PDLIM5: variants seen among roughly 807,000 people sequenced by gnomAD.
The protein encoded by PDLIM5 is PDZ and LIM domain protein 5.
Under a neutral mutation model 64.2 loss-of-function variants are expected in PDLIM5, and 34 were observed. The ratio of observed to expected loss-of-function variants is 0.53; its 90% CI spans 0.40 to 0.71. The LOEUF (loss-of-function observed/expected upper bound fraction) is 0.71. PDLIM5 is among the 30% of genes least tolerant of loss of function. PDLIM5 has a pLI of 0.00. For synonymous variants in PDLIM5, 253 were observed against 269.1 expected (o/e 0.94, Z 0.59); for missense variants, 683 against 733.6 (o/e 0.93, Z 0.80).
chr4:94,482,558 G>C, intron 2 of PDLIM5, among the ~76,000 whole-genome samples: 1 of 152,074 alleles, frequency 6.6e-6, no homozygotes, highest in Non-Finnish European at 1.5e-5. Context: ...ATTAGTTACT[G>C]TAATTATATT....
At chr4:94,511,581 C>T (rs1443179146) in intron 2 of PDLIM5, among the ~76,000 whole-genome samples, 2 of 131,768 alleles carry the variant, frequency 1.5e-5, no homozygotes, top group African/African-American at 5.7e-5. Flanking sequence ...ATTTTTTACT[C>T]ATCAGACATC....
chr4:94,561,669 C>T (rs3805274), intron 3 of PDLIM5, among the ~76,000 whole-genome samples: 41,852 of 152,012 alleles, frequency 0.28, 8,116 homozygotes, highest in African/African-American at 0.56. Flanking sequence ...TTAGGGGATC[C>T]TTGGAGCCAA....
intron 2 of PDLIM5, among the ~76,000 whole-genome samples, chr4:94,500,041 A>G (rs1283312755): frequency 6.6e-6 from 1 of 152,232 alleles, no homozygotes; most frequent in Non-Finnish European, 1.5e-5. Context: ...GAGCACCTGT[A>G]GAATTTTGTA....
chr4:94,628,849 G>A (rs1454829125), intron 8 of PDLIM5, among the ~76,000 whole-genome samples: 1 of 152,092 alleles, frequency 6.6e-6, no homozygotes, highest in African/African-American at 2.4e-5. Context: ...TACAAAGTCT[G>A]CATGAGTTTA....
chr4:94,461,831 G>A (rs1326941627), intron 2 of PDLIM5, among the ~76,000 whole-genome samples: 1 of 151,906 alleles, frequency 6.6e-6, no homozygotes, highest in African/African-American at 2.4e-5. Context: ...AATGTTAATA[G>A]GAGGGAATGA....
intron 7 of PDLIM5, among the ~76,000 whole-genome samples, chr4:94,598,392 C>A (rs190038177): frequency 6.6e-6 from 1 of 152,146 alleles, no homozygotes; most frequent in African/African-American, 2.4e-5. Flanking sequence ...CATAGATAAT[C>A]CCAAGAAAAT....
At chr4:94,610,135 C>T (rs1033948167) in intron 7 of PDLIM5, 1 of 1,438,142 alleles carries the variant, frequency 7.0e-7, no homozygotes, top group Admixed American at 2.3e-5. Context: ...TTGTTCCTCT[C>T]CTGTTTTTCT....
chr4:94,594,568 A>G (rs1248441228), intron 7 of PDLIM5, among the ~76,000 whole-genome samples: 1 of 152,060 alleles, frequency 6.6e-6, no homozygotes, highest in Non-Finnish European at 1.5e-5. Flanking sequence ...GACCATAGAA[A>G]ATTTTATTTA....
intron 2 of PDLIM5, among the ~76,000 whole-genome samples, chr4:94,485,724 C>T (rs1387908162): frequency 1.3e-5 from 2 of 150,830 alleles, no homozygotes; most frequent in Non-Finnish European, 3.0e-5. Flanking sequence ...GTGGCATGTG[C>T]CTGTAATCCC....
At chr4:94,559,487 C>T (rs781186817) in intron 3 of PDLIM5, among the ~76,000 whole-genome samples, 1 of 152,184 alleles carries the variant, frequency 6.6e-6, no homozygotes, top group African/African-American at 2.4e-5. Flanking sequence ...TTCATTGGAA[C>T]ACTAAAGCAT....
At chr4:94,633,509 C>T (rs1478751815) in intron 8 of PDLIM5, among the ~76,000 whole-genome samples, 2 of 152,144 alleles carry the variant, frequency 1.3e-5, no homozygotes, top group Non-Finnish European at 2.9e-5. Context: ...TCTAATTTGA[C>T]AAGACATTCC....
At chr4:94,530,749 C>CA (rs1730804891) in intron 3 of PDLIM5, among the ~76,000 whole-genome samples, 1 of 152,012 alleles carries the variant, frequency 6.6e-6, no homozygotes, top group Admixed American at 6.6e-5. Flanking sequence ...CTTCAAACAA[C>CA]AAAAAGATTG....
intron 7 of PDLIM5, chr4:94,611,307 C>T (rs958367812): frequency 2.1e-5 from 20 of 974,856 alleles, no homozygotes; most frequent in Non-Finnish European, 5.9e-6. Context: ...TGCTAGAGTT[C>T]TAGGGATTTG....
At chr4:94,648,961 G>GT (rs960723266) in intron 9 of PDLIM5, among the ~76,000 whole-genome samples, 29 of 149,848 alleles carry the variant, frequency 1.9e-4, no homozygotes, top group Admixed American at 5.3e-4. Context: ...GGATGTAATT[G>GT]TTTTTTTTTG....
chr4:94,469,371 G>A (rs920566934), intron 2 of PDLIM5, among the ~76,000 whole-genome samples: 2 of 152,204 alleles, frequency 1.3e-5, no homozygotes, highest in Non-Finnish European at 2.9e-5. Context: ...GGCCCTCTGA[G>A]GAGGCAGCAT....
intron 5 of PDLIM5, among the ~76,000 whole-genome samples, chr4:94,581,187 G>A (rs1362841272): frequency 6.6e-6 from 1 of 152,106 alleles, no homozygotes; most frequent in Admixed American, 6.6e-5. Flanking sequence ...TATCATGTTA[G>A]CACATTTACC....
In PDLIM5 at chr4:94,666,081, G is replaced by T; in HGVS notation, c.*2014G>T. 1 of 1,480,138 alleles carries T rather than the reference G, an allele frequency of 6.8e-7. No homozygotes were observed. The highest frequency in any genetic ancestry group is 9.1e-7 in the Non-Finnish European group (1 of 1,098,584). 91.7% of individuals were successfully genotyped at this position (1,480,138 alleles called of 1,614,324 possible). A position where few individuals can be genotyped will look rare whatever the true frequency, so the allele number is the denominator to read the frequency against. ...ATAATTTAAATTTGTTTGGGGCAAG[G>T]TGATTTTATAGTCGAGACAGAGCCC... On this transcript the variant is annotated 3_prime_UTR_variant, in exon 13 of 13. Coordinates refer to ENST00000317968, the MANE Select transcript of PDLIM5 (RefSeq NM_006457.5).
intron 2 of PDLIM5, among the ~76,000 whole-genome samples, chr4:94,486,573 G>A (rs1460641811): frequency 1.3e-5 from 2 of 152,324 alleles, no homozygotes; most frequent in Middle Eastern, 6.8e-3. Flanking sequence ...TTGCAGTGCG[G>A]TCTAAGTGGT....
At chr4:94,623,139 A>G (rs1739390069) in intron 8 of PDLIM5, among the ~76,000 whole-genome samples, 1 of 151,912 alleles carries the variant, frequency 6.6e-6, no homozygotes, top group Non-Finnish European at 1.5e-5. Context: ...GTTACTGTCC[A>G]AAAACTGGTT....
Sources: gnomAD v4.1 joint callset for allele counts (sites outside exome capture counted in the v4.1 genomes callset) on GRCh38, gnomAD v4.1.1 for gene constraint, MANE v1.5 for transcripts, NCBI Gene and HGNC (gene_info 2026-07-23, HGNC 2026-07-21) for gene names.